TRABD2B: variants seen among roughly 807,000 people sequenced by gnomAD.
The protein encoded by TRABD2B is TraB domain containing 2B, also known as metalloprotease TIKI2.
In TRABD2B, 14 loss-of-function variants were observed where a neutral mutation model predicts 40.1. The ratio of observed to expected loss-of-function variants is 0.35; its 90% confidence interval spans 0.23 to 0.55. The LOEUF is 0.55. Ranked by LOEUF, TRABD2B falls within the 20% of genes least tolerant of loss-of-function variation. TRABD2B has a pLI of 0.90. For synonymous variants in TRABD2B, 263 were observed against 277.0 expected, an observed-to-expected ratio of 0.95 and a Z score of 0.50; for missense variants, 541 against 648.6, an observed-to-expected ratio of 0.83 and a Z score of 1.80.
At chr1:47,924,408 C>T (rs768198479) in intron 2 of TRABD2B, among the ~76,000 whole-genome samples, 1 of 152,206 alleles carries the variant, frequency 6.6e-6, no homozygotes, top group African/African-American at 2.4e-5. Flanking sequence ...ACCTGATGCT[C>T]AGAACGTGGA....
chr1:47,800,157 A>G (rs1644803173), intron 3 of TRABD2B, among the ~76,000 whole-genome samples: 1 of 152,102 alleles, frequency 6.6e-6, no homozygotes, highest in Non-Finnish European at 1.5e-5. Flanking sequence ...CTTATGATCT[A>G]GTAGGGAGAG....
intron 2 of TRABD2B, among the ~76,000 whole-genome samples, chr1:47,845,953 C>G (rs576698182): frequency 6.6e-6 from 1 of 152,318 alleles, no homozygotes; most frequent in East Asian, 1.9e-4. Context: ...AGTACGTTTC[C>G]TCTTTCCAGG....
At chr1:47,837,900 C>T (rs534523008) in intron 2 of TRABD2B, among the ~76,000 whole-genome samples, 25 of 152,246 alleles carry the variant, frequency 1.6e-4, no homozygotes, top group South Asian at 1.2e-3. Context: ...ATGAGGAAAC[C>T]GAGGCACAGA....
intron 2 of TRABD2B, among the ~76,000 whole-genome samples, chr1:47,884,212 C>T (rs556250585): frequency 5.9e-5 from 9 of 152,200 alleles, no homozygotes; most frequent in Admixed American, 4.6e-4. Flanking sequence ...ACAGCAGTGG[C>T]CGTGTGATTT....
intron 2 of TRABD2B, among the ~76,000 whole-genome samples, chr1:47,809,115 TC>T (rs773458202): frequency 2.6e-5 from 4 of 151,954 alleles, no homozygotes; most frequent in Non-Finnish European, 4.4e-5. Flanking sequence ...CAGCTGACAC[TC>T]CCCTTTGCAC....
At chr1:47,816,221 T>G (rs955815558) in intron 2 of TRABD2B, among the ~76,000 whole-genome samples, 1 of 152,202 alleles carries the variant, frequency 6.6e-6, no homozygotes, top group Admixed American at 6.5e-5. Flanking sequence ...GGGCTGCATC[T>G]TGAATCCTGA....
intron 2 of TRABD2B, among the ~76,000 whole-genome samples, chr1:47,863,330 A>G (rs559947982): frequency 2.5e-4 from 31 of 122,614 alleles, no homozygotes; most frequent in Non-Finnish European, 4.9e-4. Flanking sequence ...ATATATATAT[A>G]TATATAGGAT....
chr1:47,834,832 AT>A (rs1203306197), intron 2 of TRABD2B, among the ~76,000 whole-genome samples: 1 of 152,216 alleles, frequency 6.6e-6, no homozygotes, highest in Non-Finnish European at 1.5e-5. Flanking sequence ...GCCACATTAT[AT>A]TCTTTTAAGT....
intron 2 of TRABD2B, among the ~76,000 whole-genome samples, chr1:47,832,088 T>C (rs1364682851): frequency 6.6e-6 from 1 of 152,170 alleles, no homozygotes; most frequent in Non-Finnish European, 1.5e-5. Flanking sequence ...ATCCCAGCAC[T>C]TTGGGAGGCC....
At chr1:47,984,269 G>C (rs535182422) in intron 2 of TRABD2B, among the ~76,000 whole-genome samples, 2 of 152,244 alleles carry the variant, frequency 1.3e-5, no homozygotes. Flanking sequence ...TCGCCCCGAG[G>C]TGCCTGTCCG....
At chr1:47,852,171 G>A (rs1372862738) in intron 2 of TRABD2B, among the ~76,000 whole-genome samples, 1 of 152,150 alleles carries the variant, frequency 6.6e-6, no homozygotes, top group Admixed American at 6.5e-5. Context: ...AGGCTCCCGA[G>A]AAACCTCCGG....
rs562167821 is a variant in TRABD2B at position 47,773,078 on chromosome 1, G to A, written c.1349+2092C>T. ...CCTTCAGACATGGTTAGGGGCCGGAGCTCCATTGCTGGAGCTGACAGCCCA... is the reference window on the plus strand; with the variant it reads ...CCTTCAGACATGGTTAGGGGCCGGAACTCCATTGCTGGAGCTGACAGCCCA... On this transcript the variant is annotated intron_variant, in intron 6 of 6. Coordinates refer to ENST00000606738, the MANE Select transcript of TRABD2B (RefSeq NM_001194986.2). Among the ~76,000 whole-genome samples the A allele has an allele frequency of 2.0e-5, 3 of 152,370 alleles. No homozygotes were observed. The East Asian group carries it at 5.8e-4, about 29-fold the overall frequency.
chr1:47,997,261 G>T lies in TRABD2B; in HGVS notation c.-472C>A. On this transcript the variant is annotated 5_prime_UTR_variant, in exon 1 of 7. In the 5' UTR this introduces an upstream ATG that the reference lacks. Coordinates refer to ENST00000606738, the MANE Select transcript of TRABD2B (RefSeq NM_001194986.2). ...GACAAGTGCGGCGGAAGGCGCGGCA[G>T]GGGTGGGGGGCGGCTCTGGGGCGAC... 1.0e-6 allele frequency: 1 copy of T among 976,808 alleles called. No individual in the cohort carries two copies. The highest frequency in any genetic ancestry group is 4.7e-5 in the South Asian group (1 of 21,144). 60.5% of individuals were successfully genotyped at this position (976,808 alleles called of 1,614,324 possible).
chr1:47,918,127 C>A (rs1644853943), intron 2 of TRABD2B, among the ~76,000 whole-genome samples: 1 of 152,240 alleles, frequency 6.6e-6, no homozygotes, highest in South Asian at 2.1e-4. Flanking sequence ...ACTCTACAGC[C>A]TGCTGTGGTT....
chr1:47,912,920 G>A (rs1358592897), intron 2 of TRABD2B, among the ~76,000 whole-genome samples: 1 of 152,188 alleles, frequency 6.6e-6, no homozygotes. Flanking sequence ...CACAGTTCTA[G>A]GAAGCAGCAC....
chr1:47,872,518 C>T lies in TRABD2B; in HGVS notation c.667-70899G>A, dbSNP rs116020870. 4.3e-3 allele frequency among the ~76,000 whole-genome samples: 662 copies of T among 152,258 alleles called. 4 individuals carry two copies. Among genetic ancestry groups the T allele is most frequent in the African/African-American group, 0.015 (634 of 41,548 alleles). ...TCCCAACTCCCAGCCCAAGTATTGC[C>T]TTTACCTCTCTGGCTTCAACTCCCC... On this transcript the variant is annotated intron_variant, in intron 2 of 6. Coordinates refer to ENST00000606738, the MANE Select transcript of TRABD2B (RefSeq NM_001194986.2).
intron 2 of TRABD2B, among the ~76,000 whole-genome samples, chr1:47,826,686 G>A (rs936682803): frequency 6.6e-6 from 1 of 152,094 alleles, no homozygotes; most frequent in Admixed American, 6.6e-5. Context: ...CAATCCTCCT[G>A]CTTCAGCCTC....
intron 2 of TRABD2B, among the ~76,000 whole-genome samples, chr1:47,805,915 G>A (rs1200041016): frequency 1.3e-5 from 2 of 152,162 alleles, no homozygotes; most frequent in African/African-American, 2.4e-5. Context: ...GGCCTGGAAT[G>A]TATCCTCCTA....
At chr1:47,795,046 T>C (rs1490674335) in intron 3 of TRABD2B, among the ~76,000 whole-genome samples, 1 of 152,186 alleles carries the variant, frequency 6.6e-6, no homozygotes, top group Non-Finnish European at 1.5e-5. Flanking sequence ...GCTAGGATTA[T>C]AGGCATGAGC....
Sources: allele counts gnomAD v4.1 joint callset (sites outside exome capture counted in the v4.1 genomes callset), GRCh38; gene constraint gnomAD v4.1.1; transcripts MANE v1.5; gene names NCBI Gene and HGNC (gene_info 2026-07-23, HGNC 2026-07-21).